PPM1E: variants seen among roughly 807,000 people sequenced by gnomAD.
PPM1E encodes protein phosphatase 1E.
A neutral mutation model predicts 65.9 loss-of-function variants in PPM1E; 20 were observed. That is an observed-to-expected ratio of 0.30 (90% CI 0.21 to 0.44). The LOEUF (loss-of-function observed/expected upper bound fraction) is 0.44. Ranked by LOEUF, PPM1E falls within the 20% of genes least tolerant of loss-of-function variation. PPM1E has a pLI of 1.00. For synonymous variants in PPM1E, 352 were observed against 374.9 expected (o/e 0.94, Z 0.70); for missense variants, 713 against 953.1 (o/e 0.75, Z 3.32).
chr17:58,954,879 C>CAAAAAAAAA (rs10715470), intron 1 of PPM1E, among the ~76,000 whole-genome samples: 1 of 101,048 alleles, frequency 9.9e-6, no homozygotes. Context: ...GAGTCTCTCT[C>CAAAAAAAAA]AAAAAAAAAA....
Position 58,804,845 on chromosome 17 carries a change from G to A in PPM1E, c.464+48384G>A, listed in dbSNP as rs575883783. On this transcript the variant is annotated intron_variant, in intron 1 of 6. Coordinates refer to ENST00000308249, the MANE Select transcript of PPM1E (RefSeq NM_014906.5). ...TAATGATCAAGTCAGGGTATTTGGGGTACCCATCTTGAGTATTTATCATTT... is the reference window on the plus strand; with the variant it reads ...TAATGATCAAGTCAGGGTATTTGGGATACCCATCTTGAGTATTTATCATTT... 2.6e-5 allele frequency among the ~76,000 whole-genome samples: 4 copies of A among 152,100 alleles called. No individual in the cohort carries two copies. The South Asian group carries it at 8.3e-4, about 32-fold the overall frequency.
chr17:58,969,929 A>G (rs1187127514), intron 4 of PPM1E, among the ~76,000 whole-genome samples: 2 of 152,216 alleles, frequency 1.3e-5, no homozygotes, highest in Admixed American at 6.5e-5. Flanking sequence ...GGTACTGTAT[A>G]GAAAATCTCA....
intron 2 of PPM1E, among the ~76,000 whole-genome samples, chr17:58,956,777 A>C (rs2029882307): frequency 6.6e-6 from 1 of 152,238 alleles, no homozygotes; most frequent in Admixed American, 6.5e-5. Flanking sequence ...TTAATATTTC[A>C]TACGGTTTGT....
At chr17:58,922,740 A>G (rs1021859577) in intron 1 of PPM1E, among the ~76,000 whole-genome samples, 1 of 145,416 alleles carries the variant, frequency 6.9e-6, no homozygotes, top group Admixed American at 7.0e-5. Context: ...GCTGGAGTGC[A>G]GTGGTGCGAT....
chr17:58,855,318 G>A (rs2050870487), intron 1 of PPM1E, among the ~76,000 whole-genome samples: 1 of 152,114 alleles, frequency 6.6e-6, no homozygotes, highest in Non-Finnish European at 1.5e-5. Flanking sequence ...CCCACCTCCA[G>A]CCCACTCTAT....
chr17:58,967,299 G>A (rs2030312949), intron 3 of PPM1E, among the ~76,000 whole-genome samples: 1 of 151,940 alleles, frequency 6.6e-6, no homozygotes, highest in African/African-American at 2.4e-5. Flanking sequence ...TTACAACATT[G>A]TTTATAATAA....
At chr17:58,955,901 G>A (rs2143645463) in intron 2 of PPM1E, 134 bp downstream of exon 2, 1 of 946,364 alleles carries the variant, frequency 1.1e-6, no homozygotes, top group Non-Finnish European at 1.5e-6. Context: ...TAGCAGGGGA[G>A]AAAAAATGCA....
chr17:58,928,209 GT>G (rs2051848609), intron 1 of PPM1E, among the ~76,000 whole-genome samples: 4 of 152,066 alleles, frequency 2.6e-5, no homozygotes, highest in African/African-American at 9.7e-5. Context: ...TCTAGGATGG[GT>G]GACAGAGCAA....
chr17:58,757,811 A>G (rs2049783244), intron 1 of PPM1E, among the ~76,000 whole-genome samples: 1 of 152,178 alleles, frequency 6.6e-6, no homozygotes, highest in Non-Finnish European at 1.5e-5. Flanking sequence ...ATACTGTTCA[A>G]TTACAGTATT....
chr17:58,864,465 A>AC (rs55928249), intron 1 of PPM1E, among the ~76,000 whole-genome samples: 96,626 of 151,660 alleles, frequency 0.64, 31,148 homozygotes, highest in African/African-American at 0.71. Context: ...ACATGGTGAA[A>AC]CCTGTCTGTA....
chr17:58,832,314 C>G (rs1016270965), intron 1 of PPM1E, among the ~76,000 whole-genome samples: 14 of 152,002 alleles, frequency 9.2e-5, no homozygotes, highest in Non-Finnish European at 2.1e-4. Context: ...TAGAATCTAA[C>G]CAGCACAGAC....
intron 1 of PPM1E, among the ~76,000 whole-genome samples, chr17:58,775,470 C>T (rs2144188752): frequency 6.6e-6 from 1 of 152,152 alleles, no homozygotes; most frequent in Non-Finnish European, 1.5e-5. Flanking sequence ...TTGTCATAAT[C>T]ATTATCAGAT....
intron 1 of PPM1E, among the ~76,000 whole-genome samples, chr17:58,883,472 C>A (rs975382540): frequency 1.3e-5 from 2 of 148,852 alleles, no homozygotes; most frequent in African/African-American, 2.5e-5. Context: ...AGTAATTCTT[C>A]GCTGCCTGTT....
At chr17:58,834,649 T>TA (rs1446182280) in intron 1 of PPM1E, among the ~76,000 whole-genome samples, 1 of 152,228 alleles carries the variant, frequency 6.6e-6, no homozygotes, top group East Asian at 1.9e-4. Flanking sequence ...TTAAAACGAC[T>TA]ATCCTTGCTT....
At chr17:58,911,010 TG>T (rs2051621138) in intron 1 of PPM1E, among the ~76,000 whole-genome samples, 1 of 152,154 alleles carries the variant, frequency 6.6e-6, no homozygotes, top group South Asian at 2.1e-4. Context: ...CACAAAAGTG[TG>T]GGGAGCCCCT....
chr17:58,817,756 G>GT (rs879262306), intron 1 of PPM1E, among the ~76,000 whole-genome samples: 3,113 of 145,008 alleles, frequency 0.021, 38 homozygotes, highest in African/African-American at 0.038. Context: ...ATACACTCTA[G>GT]TTTTTTTTTT....
intron 1 of PPM1E, among the ~76,000 whole-genome samples, chr17:58,911,646 G>A (rs562657188): frequency 6.6e-5 from 10 of 152,204 alleles, no homozygotes; most frequent in Admixed American, 2.0e-4. Context: ...ACCCTGAAGC[G>A]TTTTTCTTTT....
At chr17:58,973,043 T>C (rs1249950825) in intron 6 of PPM1E, 118 bp downstream of exon 6, 6 of 635,982 alleles carry the variant, frequency 9.4e-6, no homozygotes, top group Non-Finnish European at 1.7e-5. Context: ...CTTATTATTC[T>C]TTAAAATAAT....
chr17:58,965,979 T>TA (rs2030210419), intron 3 of PPM1E, 86 bp downstream of exon 3: 1 of 1,349,638 alleles, frequency 7.4e-7, no homozygotes, highest in Non-Finnish European at 1.0e-6. Context: ...AAACTTCTGT[T>TA]ATATTTCTAA....
Sources: gnomAD v4.1 joint callset for allele counts (sites outside exome capture counted in the v4.1 genomes callset) on GRCh38, gnomAD v4.1.1 for gene constraint, MANE v1.5 for transcripts, NCBI Gene and HGNC (gene_info 2026-07-23, HGNC 2026-07-21) for gene names.